SMARCA5: variants seen among roughly 807,000 people sequenced by gnomAD.
SMARCA5 encodes SNF2 related chromatin remodeling ATPase 5, also known as SWI/SNF-related matrix-associated actin-dependent regulator of chromatin subfamily A member 5.
Under a neutral mutation model 140.4 loss-of-function variants are expected in SMARCA5, and 18 were observed. That is an observed-to-expected ratio of 0.13 (90% CI 0.09 to 0.19). SMARCA5 has a LOEUF of 0.19. Ranked by LOEUF, SMARCA5 falls within the 10% of genes least tolerant of loss-of-function variation. SMARCA5 has a pLI of 1.00. For missense variants in SMARCA5, 606 were observed against 1,276.8 expected, an observed-to-expected ratio of 0.47 and a Z score of 8.01; for synonymous variants, 449 against 419.6, an observed-to-expected ratio of 1.07 and a Z score of -0.86.
rs1311479611 is a variant in SMARCA5 at position 143,530,478 on chromosome 4, T to C, written c.1110T>C (p.Asp370=). The change falls in exon 9 of 24, where the codon GAT becomes GAC. Residue 370 remains aspartate, a synonymous_variant. Transcript: ENST00000283131. ...NSADDFDSWF[D]TNNCLGDQKL... ...TCTAGGACTTTGATTCCTGGTTTGA[T>C]ACAAACAACTGCCTTGGGGATCAAA... 2 of 1,612,018 alleles carry C rather than the reference T, an allele frequency of 1.2e-6. No homozygotes were observed. The highest frequency in any genetic ancestry group is 4.5e-5 in the East Asian group (2 of 44,670).
intron 11 of SMARCA5, among the ~76,000 whole-genome samples, chr4:143,537,874 C>T (rs576590601): frequency 4.8e-5 from 7 of 145,626 alleles, no homozygotes; most frequent in South Asian, 2.2e-4. Context: ...ACTGAGATGG[C>T]GCCGCTGCAC....
In SMARCA5 at chr4:143,517,369, T is replaced by A; in HGVS notation, c.192T>A (p.Asp64Glu). ...CTTTCTACCAGGAAATATTTGATGA[T>A]GCGTCACCTGGAAAGCAAAAGGAAA... ...ADAEMEEIFDDASPGKQKEIQ... is the reference protein window; with the variant it reads ...ADAEMEEIFDEASPGKQKEIQ... Residue 64 changes from aspartate (D) to glutamate (E), a missense_variant, in exon 2 of 24, where the codon GAT (aspartate) becomes GAA (glutamate). Physicochemically the swap from Asp to Glu is conservative, Grantham distance 45. Transcript: ENST00000283131. The A allele has an allele frequency of 6.2e-7, 1 of 1,608,830 alleles. No individual in the cohort carries two copies. Among genetic ancestry groups the A allele is most frequent in the Non-Finnish European group, 8.5e-7 (1 of 1,176,968 alleles).
At chr4:143,543,451 A>G in intron 14 of SMARCA5, 58 bp from the exon 15 acceptor site, 1 of 1,411,050 alleles carries the variant, frequency 7.1e-7, no homozygotes, top group Non-Finnish European at 9.7e-7. Context: ...TAAAGTTTCA[A>G]GTTTCCAGTA....
intron 7 of SMARCA5, 64 bp downstream of exon 7, chr4:143,528,087 T>C: frequency 7.5e-7 from 1 of 1,334,148 alleles, no homozygotes; most frequent in Non-Finnish European, 1.0e-6. Flanking sequence ...CAGATTTTTT[T>C]TTCTTTTAAC....
In SMARCA5 at chr4:143,547,491, A is replaced by C; in HGVS notation, c.2760A>C (p.Ala920=). 1 of 1,569,052 alleles carries C rather than the reference A, an allele frequency of 6.4e-7. No individual in the cohort carries two copies. Among genetic ancestry groups the C allele is most frequent in the Non-Finnish European group, 8.8e-7 (1 of 1,139,630 alleles). ...RIQRRISIKK[A]LDTKIGRYKA... is the part of the protein sequence containing the mutation. ...AAAGAAGAATAAGCATCAAGAAAGCACTTGACACAAAGGTAATTTGCTTGT... is the reference window on the plus strand; with the variant it reads ...AAAGAAGAATAAGCATCAAGAAAGCCCTTGACACAAAGGTAATTTGCTTGT... The change falls in exon 21 of 24, where the codon GCA becomes GCC. Residue 920 remains alanine (A), a synonymous_variant. Coordinates refer to ENST00000283131, the MANE Select transcript of SMARCA5 (RefSeq NM_003601.4).
chr4:143,521,976 A>G (rs2149817072), intron 3 of SMARCA5, among the ~76,000 whole-genome samples: 1 of 152,114 alleles, frequency 6.6e-6, no homozygotes, highest in Non-Finnish European at 1.5e-5. Context: ...GAATTGTAAC[A>G]ATCATGTTGA....
Position 143,553,208 on chromosome 4 carries a change from T to A in SMARCA5, c.*24T>A, listed in dbSNP as rs773149254. The stretch of plus-strand genomic sequence containing the variant: ...GAATATGTTTTTGTTTCATAATCAC[T>A]AACTTTAAACCAGTAGTTCTTTAAT... On this transcript the variant is annotated 3_prime_UTR_variant, in exon 24 of 24. Transcript: ENST00000283131. The A allele has an allele frequency of 1.2e-5, 19 of 1,545,746 alleles. No homozygotes were observed. The South Asian group carries it at 2.1e-4, about 17-fold the overall frequency.
At chr4:143,534,345 A>G (rs1449095729) in intron 9 of SMARCA5, among the ~76,000 whole-genome samples, 1 of 152,134 alleles carries the variant, frequency 6.6e-6, no homozygotes, top group African/African-American at 2.4e-5. Flanking sequence ...GTAATAAATT[A>G]TATACAGTTA....
chr4:143,523,785 G>A (rs1394450434), intron 3 of SMARCA5, among the ~76,000 whole-genome samples: 2 of 152,166 alleles, frequency 1.3e-5, no homozygotes, highest in African/African-American at 4.8e-5. Flanking sequence ...TGTCAGAATT[G>A]GGGAGTAAGT....
In SMARCA5 at chr4:143,556,587, T is replaced by C. The variant is rs907108277; in HGVS notation, c.*3403T>C. 3.3e-5 allele frequency: 5 copies of C among 152,192 alleles called. No homozygotes were observed. The highest frequency in any genetic ancestry group is 7.2e-5 in the African/African-American group (3 of 41,442). The allele number at this position is 152,192 out of a possible 1,614,324, so 9.4% of individuals were successfully genotyped here. On this transcript the variant is annotated 3_prime_UTR_variant, in exon 24 of 24. Transcript: ENST00000283131. ...CAAATGAATGGAATGCTAGAAGACA[T>C]GTATTAACGGAGTAGCTGTTACCAA...
At chr4:143,514,178 G>C (rs1245109235) in intron 1 of SMARCA5, 77 bp downstream of exon 1, 4 of 1,340,282 alleles carry the variant, frequency 3.0e-6, no homozygotes, top group African/African-American at 3.0e-5. Flanking sequence ...CGTGGCGATC[G>C]GACGCAGAGC....
At chr4:143,526,091 C>G (rs1330578461) in intron 5 of SMARCA5, among the ~76,000 whole-genome samples, 190 bp from the exon 6 acceptor site, 4 of 152,132 alleles carry the variant, frequency 2.6e-5, no homozygotes, top group African/African-American at 9.7e-5. Context: ...ATAATAATAC[C>G]TCCTTTAGAG....
chr4:143,526,419 A>G lies in SMARCA5; in HGVS notation c.760A>G (p.Thr254Ala), dbSNP rs1560814181. ...WMSEFKRWVP[T>A]LRSVCLIGDK... ...GAGTGAATTCAAGAGATGGGTACCA[A>G]CACTTAGATCTGTTTGTTTGATAGG... Residue 254 changes from threonine to alanine, a missense_variant, in exon 6 of 24, where the codon ACA (threonine) becomes GCA (alanine). Coordinates refer to ENST00000283131, the MANE Select transcript of SMARCA5 (RefSeq NM_003601.4). 6.2e-7 allele frequency: 1 copy of G among 1,613,282 alleles called. No individual in the cohort carries two copies. Among genetic ancestry groups the G allele is most frequent in the East Asian group, 2.2e-5 (1 of 44,840 alleles).
rs1737779679 is a variant in SMARCA5 at position 143,557,309 on chromosome 4, T to C, written c.*4125T>C. ...AATATAAACAATGTAAACACTACAT[T>C]GACAAAAATATTTTATTAATACAAA... On this transcript the variant is annotated 3_prime_UTR_variant, in exon 24 of 24. Transcript: ENST00000283131. 6.6e-6 allele frequency: 1 copy of C among 152,220 alleles called. No homozygotes were observed. The highest frequency in any genetic ancestry group is 2.4e-5 in the African/African-American group (1 of 41,466). 9.4% of individuals were successfully genotyped at this position (152,220 alleles called of 1,614,324 possible). A position where few individuals can be genotyped will look rare whatever the true frequency, so the allele number is the denominator to read the frequency against.
intron 8 of SMARCA5, 43 bp downstream of exon 8, chr4:143,528,757 C>A: frequency 6.3e-7 from 1 of 1,575,398 alleles, no homozygotes. Flanking sequence ...TAATATTTTG[C>A]TTAATGCTAT....
intron 5 of SMARCA5, among the ~76,000 whole-genome samples, chr4:143,525,959 T>C (rs1229163099): frequency 6.6e-6 from 1 of 152,236 alleles, no homozygotes; most frequent in Non-Finnish European, 1.5e-5. Flanking sequence ...AGTTTCCTTA[T>C]TGCTATAATG....
At chr4:143,528,821 A>C (rs1456386137) in intron 8 of SMARCA5, 107 bp downstream of exon 8, 1 of 919,118 alleles carries the variant, frequency 1.1e-6, no homozygotes, top group African/African-American at 1.7e-5. Context: ...GGTTATTATT[A>C]ATTTTTTATG....
intron 13 of SMARCA5, 150 bp downstream of exon 13, chr4:143,539,088 A>G: frequency 1.4e-6 from 1 of 724,300 alleles, no homozygotes; most frequent in Non-Finnish European, 2.3e-6. Flanking sequence ...GTGATCTTCC[A>G]TCTAAATAAG....
At chr4:143,534,994 C>A in intron 10 of SMARCA5, 30 bp downstream of exon 10, 2 of 1,355,532 alleles carry the variant, frequency 1.5e-6, no homozygotes, top group Non-Finnish European at 2.1e-6. Flanking sequence ...CTTGATAGCA[C>A]TATTGATTCT....
Sources: gnomAD v4.1 joint callset for allele counts (sites outside exome capture counted in the v4.1 genomes callset) on GRCh38, gnomAD v4.1.1 for gene constraint, MANE v1.5 for transcripts, NCBI Gene and HGNC (gene_info 2026-07-23, HGNC 2026-07-21) for gene names.